The following SNX1 variants were observed in gnomAD, a reference collection of about 807,000 sequenced individuals.
SNX1 encodes sorting nexin 1.
A neutral mutation model predicts 71.8 loss-of-function variants in SNX1; 36 were observed. The observed-to-expected ratio is 0.50, with a 90% CI of 0.38 to 0.66. The LOEUF (loss-of-function observed/expected upper bound fraction) is 0.66, where lower values mean the gene tolerates loss of function less well. Among genes scored for constraint, SNX1 ranks in the 30% least tolerant of loss-of-function variants. The probability of loss-of-function intolerance (pLI) is 0.00; values close to 1 mark genes in which losing one functional copy is unlikely to be tolerated. For missense variants in SNX1, 612 were observed against 646.7 expected (o/e 0.95, Z 0.58); for synonymous variants, 254 against 240.7 (o/e 1.06, Z -0.51).
chr15:64,143,864 T>G lies in SNX1; in HGVS notation c.*6246T>G, dbSNP rs1000073428. On this transcript the variant is annotated 3_prime_UTR_variant, in exon 15 of 15. Coordinates refer to ENST00000559844, the MANE Select transcript of SNX1 (RefSeq NM_003099.5). ...TAACCAGAAATGCCCGTCATAGCACTGTTTACAGTTGCAAAAACTGAAGCC... is the reference window on the plus strand; with the variant it reads ...TAACCAGAAATGCCCGTCATAGCACGGTTTACAGTTGCAAAAACTGAAGCC... 9.2e-5 allele frequency: 14 copies of G among 152,242 alleles called. No individual in the cohort carries two copies. The highest frequency in any genetic ancestry group is 3.4e-4 in the African/African-American group (14 of 41,466). 9.4% of individuals were successfully genotyped at this position (152,242 alleles called of 1,614,324 possible).
intron 2 of SNX1, among the ~76,000 whole-genome samples, chr15:64,115,001 G>A (rs1039267999): frequency 4.6e-5 from 7 of 152,102 alleles, no homozygotes; most frequent in Non-Finnish European, 1.0e-4. Flanking sequence ...TAAATTTCTG[G>A]AGGAGAAGTG....
intron 14 of SNX1, among the ~76,000 whole-genome samples, chr15:64,137,354 CAG>C (rs2081369350): frequency 6.6e-6 from 1 of 152,242 alleles, no homozygotes; most frequent in African/African-American, 2.4e-5. Flanking sequence ...AGACTGTCTT[CAG>C]AGACTGCCCT....
In SNX1 at chr15:64,138,315, TTCTC is replaced by T. The variant is rs1187054868; in HGVS notation, c.*705_*708del. 2 of 930,684 alleles carry T rather than the reference TTCTC, an allele frequency of 2.1e-6. No homozygotes were observed. Among genetic ancestry groups the T allele is most frequent in the Admixed American group, 3.9e-5 (1 of 25,654 alleles). 57.7% of individuals were successfully genotyped at this position (930,684 alleles called of 1,614,324 possible). A position where few individuals can be genotyped will look rare whatever the true frequency, so the allele number is the denominator to read the frequency against. ...TTCTCCTGCAAAGGAGGCAGAGACT[TTCTC>T]TCTCTCTTTTTTTTTTTTTTTTGGT... On this transcript the variant is annotated 3_prime_UTR_variant, in exon 15 of 15. Coordinates refer to ENST00000559844, the MANE Select transcript of SNX1 (RefSeq NM_003099.5).
At chr15:64,112,204 A>G (rs2081084224) in intron 1 of SNX1, among the ~76,000 whole-genome samples, 1 of 152,216 alleles carries the variant, frequency 6.6e-6, no homozygotes, top group Admixed American at 6.5e-5. Context: ...ACTCCAGTGT[A>G]GTATCCTGGT....
At chr15:64,118,088 T>A in intron 2 of SNX1, 29 bp from the exon 3 acceptor site, 1 of 1,608,348 alleles carries the variant, frequency 6.2e-7, no homozygotes, top group Non-Finnish European at 8.5e-7. Context: ...ATTACTGACC[T>A]TCATTTTAAA....
chr15:64,101,537 G>A (rs952730679), intron 1 of SNX1, among the ~76,000 whole-genome samples: 2 of 152,078 alleles, frequency 1.3e-5, no homozygotes, highest in Admixed American at 1.3e-4. Context: ...TTCTCCTCTT[G>A]GCAATTGTAA....
chr15:64,127,176 A>G lies in SNX1; in HGVS notation c.655A>G (p.Met219Val), dbSNP rs770916921. ...PPPPEKSLIG[M>V]TKVKVGKEDS... Reference sequence around the variant, plus strand: ...TTGCTTTTTAAATTCCATTCTAGGGATGACAAAAGTGAAAGTTGGGAAGGA... The same window carrying G: ...TTGCTTTTTAAATTCCATTCTAGGGGTGACAAAAGTGAAAGTTGGGAAGGA... The change falls in exon 7 of 15, where the codon ATG (methionine) becomes GTG (valine). Residue 219 changes from methionine (M) to valine (V), a missense_variant and splice_region_variant. By Grantham distance (21) the Met-to-Val change is conservative. Around this residue, in one of 2 missense-constraint regions of SNX1, gnomAD observed 316 missense variants for 284.9 expected, o/e 1.11. Transcript: ENST00000559844. The G allele has an allele frequency of 2.5e-6, 4 of 1,610,334 alleles. No homozygotes were observed. The highest frequency in any genetic ancestry group is 3.4e-6 in the Non-Finnish European group (4 of 1,177,416).
intron 8 of SNX1, among the ~76,000 whole-genome samples, chr15:64,128,440 A>G (rs2081275245): frequency 6.6e-6 from 1 of 152,250 alleles, no homozygotes; most frequent in South Asian, 2.1e-4. Context: ...TTAAGGATCA[A>G]AAGAAACACT....
intron 3 of SNX1, 73 bp from the exon 4 acceptor site, chr15:64,118,715 A>C (rs1026446325): frequency 1.8e-6 from 2 of 1,094,054 alleles, no homozygotes; most frequent in African/African-American, 3.1e-5. Context: ...GATTGGTATA[A>C]GGTTATTACA....
At chr15:64,135,476 G>C (rs1294746834) in intron 12 of SNX1, among the ~76,000 whole-genome samples, 8 of 150,370 alleles carry the variant, frequency 5.3e-5, no homozygotes, top group African/African-American at 1.7e-4. Flanking sequence ...AATTAGCCAG[G>C]GCTGGGCACG....
chr15:64,138,322 TC>T lies in SNX1; in HGVS notation c.*705del. The T allele has an allele frequency of 1.4e-6, 1 of 730,782 alleles. No individual in the cohort carries two copies. The highest frequency in any genetic ancestry group is 2.0e-6 in the Non-Finnish European group (1 of 506,144). 45.3% of individuals were successfully genotyped at this position (730,782 alleles called of 1,614,324 possible). On this transcript the variant is annotated 3_prime_UTR_variant, in exon 15 of 15. Transcript: ENST00000559844. Reference sequence around the variant, plus strand: ...GCAAAGGAGGCAGAGACTTTCTCTCTCTCTTTTTTTTTTTTTTTTGGTGTCC... The same window carrying T: ...GCAAAGGAGGCAGAGACTTTCTCTCTTCTTTTTTTTTTTTTTTTGGTGTCC...
chr15:64,105,359 G>A (rs749088210), intron 1 of SNX1, among the ~76,000 whole-genome samples: 2 of 152,072 alleles, frequency 1.3e-5, no homozygotes, highest in Non-Finnish European at 2.9e-5. Context: ...TAGTTCATTA[G>A]TTTGGACTGG....
chr15:64,106,423 T>C (rs974128713), intron 1 of SNX1, among the ~76,000 whole-genome samples: 2 of 152,188 alleles, frequency 1.3e-5, no homozygotes, highest in Non-Finnish European at 2.9e-5. Flanking sequence ...ACAAATACTT[T>C]TAGTGCATCT....
chr15:64,101,235 T>A (rs879264448), intron 1 of SNX1, among the ~76,000 whole-genome samples: 16 of 152,232 alleles, frequency 1.1e-4, no homozygotes, highest in Non-Finnish European at 1.9e-4. Flanking sequence ...CAAAACTTCC[T>A]CATTTTGCAA....
Position 64,135,406 on chromosome 15 carries a change from A to G in SNX1, c.1365+599A>G, listed in dbSNP as rs570225049. 1.1e-3 allele frequency among the ~76,000 whole-genome samples: 168 copies of G among 147,730 alleles called. 2 individuals carry two copies. The highest frequency in any genetic ancestry group is 2.1e-3 in the South Asian group (9 of 4,298). On this transcript the variant is annotated intron_variant, in intron 12 of 14. Transcript: ENST00000559844. ...TGAGCCACCGCGCCCGGCCGAGGTC[A>G]GGAGTTTTAGACCAGCCTGGCCAAC...
intron 1 of SNX1, among the ~76,000 whole-genome samples, chr15:64,104,398 G>A (rs969753020): frequency 4.7e-5 from 7 of 148,530 alleles, no homozygotes; most frequent in African/African-American, 1.2e-4. Context: ...TCAGCCTCCC[G>A]AGTAGCTGGG....
Position 64,104,730 on chromosome 15 carries a change from C to G in SNX1, c.160-7843C>G, listed in dbSNP as rs546197712. Among the ~76,000 whole-genome samples, 14 of 151,372 alleles carry G rather than the reference C, an allele frequency of 9.2e-5. No individual in the cohort carries two copies. The East Asian group carries it at 1.8e-3, about 19-fold the overall frequency. On this transcript the variant is annotated intron_variant, in intron 1 of 14. Coordinates refer to ENST00000559844, the MANE Select transcript of SNX1 (RefSeq NM_003099.5). Reference sequence around the variant, plus strand: ...TGAAACCCCATCTCTACTAAAAATACAAAATTTAGCTGGGTGTGACAACGC... The same window carrying G: ...TGAAACCCCATCTCTACTAAAAATAGAAAATTTAGCTGGGTGTGACAACGC...
intron 1 of SNX1, among the ~76,000 whole-genome samples, chr15:64,101,204 C>T (rs1479587794): frequency 6.6e-6 from 1 of 152,206 alleles, no homozygotes; most frequent in Non-Finnish European, 1.5e-5. Context: ...AGTATATTCA[C>T]ATTGTTGTGT....
At chr15:64,125,552 G>A (rs2081242230) in intron 5 of SNX1, among the ~76,000 whole-genome samples, 1 of 151,780 alleles carries the variant, frequency 6.6e-6, no homozygotes, top group Non-Finnish European at 1.5e-5. Flanking sequence ...GGCTGAGGTG[G>A]GAGGATCGCT....
Sources: gnomAD v4.1 joint callset for allele counts (sites outside exome capture counted in the v4.1 genomes callset) on GRCh38, gnomAD v4.1.1 for gene constraint, gnomAD v4.1.1 regional missense constraint, MANE v1.5 for transcripts, NCBI Gene and HGNC (gene_info 2026-07-23, HGNC 2026-07-21) for gene names.